The following RALB variants were observed in gnomAD, a reference collection of about 807,000 sequenced individuals.
RALB encodes the protein ras-related protein Ral-B.
In RALB, 16 loss-of-function variants were observed where a neutral mutation model predicts 21.3. The ratio of observed to expected loss-of-function variants is 0.75; its 90% CI spans 0.51 to 1.14. RALB has a LOEUF of 1.14. Among genes scored for constraint, RALB ranks in the 50% most tolerant of loss-of-function variants. The pLI is 0.00. For synonymous variants in RALB, 93 were observed against 96.1 expected, an observed-to-expected ratio of 0.97 and a Z score of 0.19; for missense variants, 161 against 256.2, an observed-to-expected ratio of 0.63 and a Z score of 2.54.
rs776021616 is a variant in RALB at position 120,293,135 on chromosome 2, C to T, written c.502-6C>T. ...ATTCTTTTTACTCTTTACTCCTCAC[C>T]CCCAGGTGTTCTTTGACCTAATGAG... On this transcript the variant is annotated splice_region_variant and splice_polypyrimidine_tract_variant and intron_variant, in intron 4 of 4. Coordinates refer to ENST00000272519, the MANE Select transcript of RALB (RefSeq NM_002881.3). 2 of 1,603,922 alleles carry T rather than the reference C, an allele frequency of 1.2e-6. No homozygotes were observed. Among genetic ancestry groups the T allele is most frequent in the Non-Finnish European group, 1.7e-6 (2 of 1,176,348 alleles).
intron 1 of RALB, among the ~76,000 whole-genome samples, chr2:120,259,025 T>A (rs937325752): frequency 2.0e-5 from 3 of 151,270 alleles, no homozygotes; most frequent in African/African-American, 7.3e-5. Flanking sequence ...GCTCTTAAGG[T>A]AGCGCGTCTG....
chr2:120,292,924 TTTC>T (rs1316272024), intron 4 of RALB, among the ~76,000 whole-genome samples: 1 of 152,270 alleles, frequency 6.6e-6, no homozygotes, highest in African/African-American at 2.4e-5. Flanking sequence ...AAGGTTAATT[TTTC>T]TTATTTGCCC....
At chr2:120,248,436 C>T (rs1689005239), upstream of RALB, among the ~76,000 whole-genome samples, 2 of 152,152 alleles carry the variant, frequency 1.3e-5, no homozygotes, top group Non-Finnish European at 2.9e-5. Flanking sequence ...CAAACCTTGC[C>T]TCTGGTTCCT....
chr2:120,275,994 G>T (rs182923847), intron 1 of RALB, among the ~76,000 whole-genome samples: 10 of 152,364 alleles, frequency 6.6e-5, no homozygotes, highest in Admixed American at 2.6e-4. Context: ...TGGAAAACCA[G>T]TTAGGACCAA....
At chr2:120,286,445 T>TA (rs1193772670) in intron 3 of RALB, among the ~76,000 whole-genome samples, 1 of 152,196 alleles carries the variant, frequency 6.6e-6, no homozygotes, top group Non-Finnish European at 1.5e-5. Context: ...ATAATGTTAC[T>TA]AAAAAAAGTA....
At chr2:120,265,849 T>G in intron 1 of RALB, among the ~76,000 whole-genome samples, 1 of 152,236 alleles carries the variant, frequency 6.6e-6, no homozygotes, top group East Asian at 1.9e-4. Context: ...TAATTCAGGA[T>G]AGGGACATGT....
At chr2:120,269,842 C>T (rs1231764359) in intron 1 of RALB, among the ~76,000 whole-genome samples, 1 of 152,082 alleles carries the variant, frequency 6.6e-6, no homozygotes, top group Non-Finnish European at 1.5e-5. Context: ...GAATAAATTC[C>T]TGGAAGAGGT....
intron 1 of RALB, among the ~76,000 whole-genome samples, chr2:120,266,582 G>A (rs926206027): frequency 1.3e-5 from 2 of 152,114 alleles, no homozygotes; most frequent in African/African-American, 4.8e-5. Flanking sequence ...GTGGTGGTGT[G>A]TGCCTGTAGT....
chr2:120,279,852 C>CT (rs1484641294), intron 2 of RALB, among the ~76,000 whole-genome samples: 1 of 152,226 alleles, frequency 6.6e-6, no homozygotes, highest in Admixed American at 6.5e-5. Flanking sequence ...CATTGTCCTG[C>CT]TTCCTCTTAT....
At chr2:120,263,016 A>G (rs1381813700) in intron 1 of RALB, among the ~76,000 whole-genome samples, 1 of 152,210 alleles carries the variant, frequency 6.6e-6, no homozygotes, top group Non-Finnish European at 1.5e-5. Flanking sequence ...ACTCAAAGCC[A>G]GGCCCCTTCA....
chr2:120,283,178 G>A (rs980639726), intron 2 of RALB, among the ~76,000 whole-genome samples: 7 of 152,182 alleles, frequency 4.6e-5, no homozygotes, highest in Non-Finnish European at 8.8e-5. Context: ...CAGGGAGGCC[G>A]GCTGTCTAAA....
At chr2:120,273,532 C>T (rs778321971) in intron 1 of RALB, among the ~76,000 whole-genome samples, 1 of 152,182 alleles carries the variant, frequency 6.6e-6, no homozygotes, top group East Asian at 1.9e-4. Flanking sequence ...TCCCATAATT[C>T]TAATCTCCTG....
At chr2:120,246,040 C>G (rs1471052151) in intron 1 of RALB, among the ~76,000 whole-genome samples, 1 of 152,218 alleles carries the variant, frequency 6.6e-6, no homozygotes, top group African/African-American at 2.4e-5. Context: ...CCCCCCGACA[C>G]CACCCCGCAT....
upstream of RALB, among the ~76,000 whole-genome samples, chr2:120,247,899 C>T (rs1688997096): frequency 6.6e-6 from 1 of 152,198 alleles, no homozygotes; most frequent in Non-Finnish European, 1.5e-5. Context: ...CCTCCCACAG[C>T]CTGGAACTTC....
chr2:120,282,667 C>T (rs563975037), intron 2 of RALB, among the ~76,000 whole-genome samples: 1 of 152,124 alleles, frequency 6.6e-6, no homozygotes, highest in South Asian at 2.1e-4. Flanking sequence ...GAAAGCTGTG[C>T]CTGGCCTTAG....
In RALB at chr2:120,285,986, C is replaced by G; in HGVS notation, c.227C>G (p.Ala76Gly). The change falls in exon 3 of 5, where the codon GCA becomes GGA. Residue 76 changes from alanine to glycine, a missense_variant. Transcript: ENST00000272519. ...GACACCGCTGGGCAAGAGGACTACG[C>G]AGCCATTCGAGATAACTACTTTCGG... ...ILDTAGQEDY[A>G]AIRDNYFRSG... is the part of the protein sequence containing the mutation. The G allele has an allele frequency of 6.2e-7, 1 of 1,614,114 alleles. No homozygotes were observed. Among genetic ancestry groups the G allele is most frequent in the Non-Finnish European group, 8.5e-7 (1 of 1,180,000 alleles).
chr2:120,242,868 G>A (rs1232608082), intron 1 of RALB, among the ~76,000 whole-genome samples: 1 of 152,214 alleles, frequency 6.6e-6, no homozygotes, highest in Non-Finnish European at 1.5e-5. Context: ...TTGAGGCCAT[G>A]AGTTCGAGAC....
chr2:120,249,495 C>T (rs1324744644), upstream of RALB, among the ~76,000 whole-genome samples: 2 of 152,224 alleles, frequency 1.3e-5, no homozygotes, highest in African/African-American at 2.4e-5. Flanking sequence ...CCAGTCATGG[C>T]GGAAGGCATA....
intron 1 of RALB, among the ~76,000 whole-genome samples, chr2:120,275,564 A>G (rs1346077511): frequency 6.6e-6 from 1 of 152,166 alleles, no homozygotes; most frequent in Admixed American, 6.5e-5. Context: ...AGCTCCCTGC[A>G]TGATTCTGTT....
Sources: gnomAD v4.1 joint callset for allele counts (sites outside exome capture counted in the v4.1 genomes callset) on GRCh38, gnomAD v4.1.1 for gene constraint, MANE v1.5 for transcripts, NCBI Gene and HGNC (gene_info 2026-07-23, HGNC 2026-07-21) for gene names.